Variants in NOL4L observed in about 807,000 individuals in gnomAD.
NOL4L encodes the protein nucleolar protein 4-like.
In NOL4L, 7 loss-of-function variants were observed where a neutral mutation model predicts 64.5. The observed-to-expected ratio is 0.11, with a 90% CI of 0.06 to 0.20. The LOEUF (loss-of-function observed/expected upper bound fraction) is 0.20. Among genes scored for constraint, NOL4L ranks in the 10% least tolerant of loss-of-function variants. The pLI is 1.00. For synonymous variants in NOL4L, 413 were observed against 401.0 expected (o/e 1.03, Z -0.36); for missense variants, 680 against 967.1 (o/e 0.70, Z 3.94).
At chr20:32,549,680 G>C (rs956923779) in intron 1 of NOL4L, among the ~76,000 whole-genome samples, 3 of 152,192 alleles carry the variant, frequency 2.0e-5, no homozygotes, top group Non-Finnish European at 2.9e-5. Flanking sequence ...TTGAACCAGG[G>C]AGGCAGAGAT....
intron 1 of NOL4L, among the ~76,000 whole-genome samples, chr20:32,537,443 G>C (rs766296489): frequency 6.6e-6 from 1 of 152,216 alleles, no homozygotes; most frequent in Non-Finnish European, 1.5e-5. Context: ...TCACGGCCTC[G>C]TTTCACTTTC....
chr20:32,549,610 G>A (rs189202698), intron 1 of NOL4L, among the ~76,000 whole-genome samples: 10 of 152,178 alleles, frequency 6.6e-5, no homozygotes, highest in Non-Finnish European at 1.2e-4. Flanking sequence ...AAAATTAGCC[G>A]GGAGTGATTG....
intron 2 of NOL4L, among the ~76,000 whole-genome samples, chr20:32,526,675 C>G (rs536612861): frequency 6.6e-6 from 1 of 152,290 alleles, no homozygotes; most frequent in East Asian, 1.9e-4. Flanking sequence ...CAGAGAAAGT[C>G]GGCATGGAGG....
Position 32,465,857 on chromosome 20 carries a change from C to T in NOL4L, c.841+8744G>A, listed in dbSNP as rs141719772. Among the ~76,000 whole-genome samples, 413 of 152,334 alleles carry T rather than the reference C, an allele frequency of 2.7e-3. 2 individuals carry two copies. Among genetic ancestry groups the T allele is most frequent in the Non-Finnish European group, 2.8e-3 (192 of 68,026 alleles). ...GTGGAGGTGCCTCAGGAGGGCCTGT[C>T]CCTGACACAGGAGCCTGCAGGATGG... On this transcript the variant is annotated intron_variant, in intron 5 of 10. Coordinates refer to ENST00000621426, the MANE Select transcript of NOL4L (RefSeq NM_001256798.2).
intron 1 of NOL4L, among the ~76,000 whole-genome samples, chr20:32,530,470 G>A (rs892298177): frequency 6.6e-6 from 1 of 152,098 alleles, no homozygotes; most frequent in African/African-American, 2.4e-5. Flanking sequence ...GAACCCGGGA[G>A]GCAGAGCTTG....
intron 1 of NOL4L, among the ~76,000 whole-genome samples, chr20:32,575,958 T>C (rs949478326): frequency 2.6e-5 from 4 of 152,132 alleles, no homozygotes; most frequent in Non-Finnish European, 4.4e-5. Context: ...GGAAGGCCAG[T>C]GCAAGGGGCC....
At position 32,447,425 on chromosome 20, in the gene NOL4L, AAAAAG is replaced by A; in HGVS notation, c.*166_*170del. On this transcript the variant is annotated 3_prime_UTR_variant, in exon 11 of 11. Transcript: ENST00000621426. ...TTCCAAAAAAAAAAAAAAAAAAAAA[AAAAAG>A]TGTCCTTGTGCCCAAAGTCTCAGGT... 1.2e-6 allele frequency: 1 copy of A among 815,948 alleles called. No homozygotes were observed. The allele number at this position is 815,948 out of a possible 1,614,324, so 50.5% of individuals were successfully genotyped here.
chr20:32,475,895 G>A (rs1258858881), intron 4 of NOL4L, among the ~76,000 whole-genome samples: 1 of 152,210 alleles, frequency 6.6e-6, no homozygotes, highest in East Asian at 1.9e-4. Flanking sequence ...GTGTGGATTC[G>A]CCTCCACTCC....
intron 1 of NOL4L, among the ~76,000 whole-genome samples, chr20:32,546,730 G>A (rs759785962): frequency 2.0e-5 from 3 of 152,134 alleles, no homozygotes; most frequent in African/African-American, 7.2e-5. Context: ...CACTGCGCCC[G>A]GCAAGGCTGT....
intron 5 of NOL4L, among the ~76,000 whole-genome samples, chr20:32,467,346 G>T (rs1046753377): frequency 6.6e-6 from 1 of 152,158 alleles, no homozygotes; most frequent in Non-Finnish European, 1.5e-5. Context: ...GGCACATGTG[G>T]GTGGGGAGGG....
chr20:32,562,802 G>T (rs914519927), intron 1 of NOL4L, among the ~76,000 whole-genome samples: 2 of 151,118 alleles, frequency 1.3e-5, no homozygotes, highest in African/African-American at 4.9e-5. Context: ...TGCAGGAGGG[G>T]CCTTTCCCTG....
At chr20:32,497,518 C>A (rs2016741788) in intron 4 of NOL4L, among the ~76,000 whole-genome samples, 1 of 152,150 alleles carries the variant, frequency 6.6e-6, no homozygotes, top group Admixed American at 6.5e-5. Flanking sequence ...AAGCACCCTG[C>A]CCAAAATATC....
chr20:32,474,350 C>T (rs2015237669), intron 5 of NOL4L, among the ~76,000 whole-genome samples: 2 of 152,254 alleles, frequency 1.3e-5, no homozygotes, highest in Non-Finnish European at 2.9e-5. Flanking sequence ...AGGCAGACCC[C>T]CCGCCCCGCA....
intron 1 of NOL4L, among the ~76,000 whole-genome samples, chr20:32,563,131 AGGCT>A (rs1271915051): frequency 7.6e-5 from 1 of 13,216 alleles, no homozygotes; most frequent in Non-Finnish European, 1.4e-4. Flanking sequence ...GAGGGCAGGG[AGGCT>A]GGAGGGAGGG....
chr20:32,551,232 C>T (rs932479551), intron 1 of NOL4L, among the ~76,000 whole-genome samples: 12 of 148,026 alleles, frequency 8.1e-5, no homozygotes, highest in South Asian at 2.2e-4. Flanking sequence ...AAAAATTAGC[C>T]GGGCGTGATG....
In NOL4L at chr20:32,447,429, A is replaced by AAAAAAT. The variant is rs374212206; in HGVS notation, c.*166_*167insATTTTT. 1.7e-5 allele frequency: 13 copies of AAAAAAT among 758,006 alleles called. No individual in the cohort carries two copies. The highest frequency in any genetic ancestry group is 3.6e-5 in the African/African-American group (2 of 55,934). 47.0% of individuals were successfully genotyped at this position (758,006 alleles called of 1,614,324 possible). On this transcript the variant is annotated 3_prime_UTR_variant, in exon 11 of 11. Coordinates refer to ENST00000621426, the MANE Select transcript of NOL4L (RefSeq NM_001256798.2). ...AAAAAAAAAAAAAAAAAAAAAAAAA[A>AAAAAAT]GTGTCCTTGTGCCCAAAGTCTCAGG...
At chr20:32,526,272 CCTT>C (rs1394378995) in intron 2 of NOL4L, among the ~76,000 whole-genome samples, 1 of 152,296 alleles carries the variant, frequency 6.6e-6, no homozygotes, top group African/African-American at 2.4e-5. Context: ...GGTGCCTCTT[CCTT>C]CTTCTATGAT....
rs1045380033 is a variant in NOL4L at position 32,463,946 on chromosome 20, C to T, written c.842-7551G>A. Among the ~76,000 whole-genome samples, 51 of 152,220 alleles carry T rather than the reference C, an allele frequency of 3.4e-4. No homozygotes were observed. Among genetic ancestry groups the T allele is most frequent in the African/African-American group, 1.2e-3 (50 of 41,468 alleles). On this transcript the variant is annotated intron_variant, in intron 5 of 10. Coordinates refer to ENST00000621426, the MANE Select transcript of NOL4L (RefSeq NM_001256798.2). The surrounding 1 kb of genome is among the most constrained non-coding windows in gnomAD (Gnocchi z 5.8). ...GCCAGCAGGCCCTGCGTGCAGACTG[C>T]CTTCCGTGTCCAGAGGTGTGGCTGC...
At chr20:32,533,164 A>G (rs2018406355) in intron 1 of NOL4L, among the ~76,000 whole-genome samples, 1 of 152,224 alleles carries the variant, frequency 6.6e-6, no homozygotes, top group African/African-American at 2.4e-5. Flanking sequence ...TTATGGAGCT[A>G]CATTCTTGGA....
Sources: allele counts gnomAD v4.1 joint callset (sites outside exome capture counted in the v4.1 genomes callset), GRCh38; gene constraint gnomAD v4.1.1; non-coding constraint Gnocchi (gnomAD v3.1); transcripts MANE v1.5; gene names NCBI Gene and HGNC (gene_info 2026-07-23, HGNC 2026-07-21).